GRM7: variants seen among roughly 807,000 people sequenced by gnomAD.
GRM7 encodes the protein metabotropic glutamate receptor 7.
Under a neutral mutation model 84.5 loss-of-function variants are expected in GRM7, and 35 were observed. That is an observed-to-expected ratio of 0.41 (90% CI 0.32 to 0.55). GRM7 has a LOEUF of 0.55. GRM7 is among the 20% of genes least tolerant of loss of function. The pLI, the probability that GRM7 is intolerant of heterozygous loss-of-function variation, is 0.19. For missense variants in GRM7, 1,003 were observed against 1,194.6 expected (o/e 0.84, Z 2.36); for synonymous variants, 487 against 455.1 (o/e 1.07, Z -0.89).
At chr3:7,185,730 G>T (rs1695492416) in intron 2 of GRM7, among the ~76,000 whole-genome samples, 1 of 152,164 alleles carries the variant, frequency 6.6e-6, no homozygotes. Flanking sequence ...CAGAAACTCT[G>T]GGAAGGGGAT....
At chr3:7,690,991 C>T (rs1179883400) in intron 9 of GRM7, 4 of 355,364 alleles carry the variant, frequency 1.1e-5, no homozygotes, top group South Asian at 6.5e-5. Flanking sequence ...AGAGAGGTGA[C>T]CCTTGTGACT....
At chr3:7,729,689 G>C (rs944714785) in intron 9 of GRM7, among the ~76,000 whole-genome samples, 2 of 151,998 alleles carry the variant, frequency 1.3e-5, no homozygotes, top group African/African-American at 2.4e-5. Context: ...CGTGAATAAA[G>C]AGAATTGGCT....
chr3:7,550,571 CTCTCTCTGTGTGTGTGTGTGTGTG>C (rs1474552180), intron 7 of GRM7, among the ~76,000 whole-genome samples: 20 of 87,226 alleles, frequency 2.3e-4, no homozygotes, highest in Admixed American at 1.9e-3. Context: ...CTCTCTCTCT[CTCTCTCTGTGTGTGTGTGTGTGTG>C]TGTGTGTGTG....
At chr3:7,474,274 A>ACTT (rs1304156471) in intron 7 of GRM7, among the ~76,000 whole-genome samples, 13 of 152,128 alleles carry the variant, frequency 8.5e-5, no homozygotes, top group African/African-American at 3.1e-4. Flanking sequence ...TGTCCTAAGT[A>ACTT]GGGGCTTTAG....
chr3:7,635,102 G>T (rs528595415), intron 8 of GRM7, among the ~76,000 whole-genome samples: 3 of 152,148 alleles, frequency 2.0e-5, no homozygotes, highest in African/African-American at 7.2e-5. Flanking sequence ...AGATTGGTGG[G>T]GCTGAAGAAT....
At chr3:7,443,138 A>C (rs916941584) in intron 5 of GRM7, among the ~76,000 whole-genome samples, 1 of 152,052 alleles carries the variant, frequency 6.6e-6, no homozygotes, top group African/African-American at 2.4e-5. Flanking sequence ...AGACCAACAC[A>C]AAAGCAGAAA....
intron 9 of GRM7, among the ~76,000 whole-genome samples, chr3:7,705,888 A>G (rs1459770805): frequency 6.6e-6 from 1 of 152,220 alleles, no homozygotes; most frequent in African/African-American, 2.4e-5. Flanking sequence ...GAGTACCATG[A>G]TCTAAATTAT....
chr3:7,426,093 A>ATGTTGTTT (rs1179639697), intron 5 of GRM7, among the ~76,000 whole-genome samples: 9 of 85,688 alleles, frequency 1.1e-4, no homozygotes, highest in Non-Finnish European at 1.5e-4. Context: ...GCCATATCAT[A>ATGTTGTTT]CGTTCTTTCT....
chr3:7,149,038 A>G (rs1278500116), intron 2 of GRM7, among the ~76,000 whole-genome samples: 2 of 152,160 alleles, frequency 1.3e-5, no homozygotes, highest in South Asian at 2.1e-4. Flanking sequence ...TGTATTTATA[A>G]TAAGTATTTA....
At chr3:7,428,206 G>A (rs960630879) in intron 5 of GRM7, among the ~76,000 whole-genome samples, 4 of 152,154 alleles carry the variant, frequency 2.6e-5, no homozygotes, top group African/African-American at 7.2e-5. Context: ...CAAGGAGTGT[G>A]TCTCTGCCAT....
chr3:6,873,348 C>T (rs746746126), intron 1 of GRM7, among the ~76,000 whole-genome samples: 26 of 152,250 alleles, frequency 1.7e-4, no homozygotes, highest in Admixed American at 2.0e-4. Context: ...GTTGGGATTA[C>T]GGGCGTGAGC....
At chr3:7,391,636 C>T (rs763658598) in intron 4 of GRM7, among the ~76,000 whole-genome samples, 1 of 151,776 alleles carries the variant, frequency 6.6e-6, no homozygotes, top group Non-Finnish European at 1.5e-5. Context: ...TGCAGCACAC[C>T]AACATGGCAA....
chr3:7,017,993 A>C (rs1695637528), intron 1 of GRM7, among the ~76,000 whole-genome samples: 1 of 152,228 alleles, frequency 6.6e-6, no homozygotes, highest in Non-Finnish European at 1.5e-5. Flanking sequence ...TTATTGAAAG[A>C]AAGTATGTTA....
chr3:7,091,404 T>G (rs1401301272), intron 1 of GRM7, among the ~76,000 whole-genome samples: 1 of 152,156 alleles, frequency 6.6e-6, no homozygotes, highest in Admixed American at 6.5e-5. Context: ...GTTTATTGTT[T>G]CCATCAAACA....
chr3:6,992,896 C>G (rs896134924), intron 1 of GRM7, among the ~76,000 whole-genome samples: 4 of 152,146 alleles, frequency 2.6e-5, no homozygotes, highest in Non-Finnish European at 5.9e-5. Context: ...AATGCAGCAC[C>G]CTGTGACACA....
intron 2 of GRM7, among the ~76,000 whole-genome samples, chr3:7,229,760 T>TATATA (rs68069165): frequency 2.1e-3 from 49 of 23,342 alleles, no homozygotes; most frequent in Admixed American, 3.4e-3. Flanking sequence ...TATATATATA[T>TATATA]TTTTTTTTTT....
intron 1 of GRM7, among the ~76,000 whole-genome samples, chr3:6,973,295 C>A (rs941264199): frequency 1.4e-4 from 21 of 152,118 alleles, no homozygotes; most frequent in African/African-American, 5.1e-4. Flanking sequence ...CATTGAGCAA[C>A]TCTTAATTGA....
chr3:7,143,794 C>T (rs1694024659), intron 1 of GRM7, among the ~76,000 whole-genome samples: 1 of 152,160 alleles, frequency 6.6e-6, no homozygotes, highest in Non-Finnish European at 1.5e-5. Flanking sequence ...CAGCATGAAG[C>T]TTTTACATTT....
At chr3:7,207,229 G>A (rs1190233126) in intron 2 of GRM7, among the ~76,000 whole-genome samples, 10 of 152,124 alleles carry the variant, frequency 6.6e-5, no homozygotes. Flanking sequence ...CCTTGACTGA[G>A]AGTTGGCAAT....
Sources: allele counts gnomAD v4.1 joint callset (sites outside exome capture counted in the v4.1 genomes callset), GRCh38; gene constraint gnomAD v4.1.1; transcripts MANE v1.5; gene names NCBI Gene and HGNC (gene_info 2026-07-23, HGNC 2026-07-21).